The following RUVBL1 variants were observed in gnomAD, a reference collection of about 807,000 sequenced individuals.
RUVBL1 encodes ruvB-like 1.
RUVBL1 carries 4 observed loss-of-function variants against 52.4 expected under a neutral mutation model. The ratio of observed to expected loss-of-function variants is 0.08; its 90% CI spans 0.04 to 0.17. The LOEUF (loss-of-function observed/expected upper bound fraction) is 0.17. Among genes scored for constraint, RUVBL1 ranks in the 10% least tolerant of loss-of-function variants. RUVBL1 has a pLI of 1.00. For missense variants in RUVBL1, 298 were observed against 572.8 expected (o/e 0.52, Z 4.90); for synonymous variants, 217 against 214.4 (o/e 1.01, Z -0.10).
At position 128,080,854 on chromosome 3, in the gene RUVBL1, G is replaced by A. The variant is rs1272151827; in HGVS notation, c.*396C>T. ...TAATGCATCAGTATTGGTCATTCACGGTGACAAATGTGCTATCTGATGTAA... is the reference window on the plus strand; with the variant it reads ...TAATGCATCAGTATTGGTCATTCACAGTGACAAATGTGCTATCTGATGTAA... On this transcript the variant is annotated 3_prime_UTR_variant, in exon 11 of 11. Transcript: ENST00000322623. 4 of 176,436 alleles carry A rather than the reference G, an allele frequency of 2.3e-5. No homozygotes were observed. Among genetic ancestry groups the A allele is most frequent in the South Asian group, 1.4e-4 (1 of 7,232 alleles). 10.9% of individuals were successfully genotyped at this position (176,436 alleles called of 1,614,324 possible). A position where few individuals can be genotyped will look rare whatever the true frequency, so the allele number is the denominator to read the frequency against.
chr3:128,112,366 C>G (rs1053725866), intron 3 of RUVBL1, among the ~76,000 whole-genome samples: 1 of 152,220 alleles, frequency 6.6e-6, no homozygotes, highest in Non-Finnish European at 1.5e-5. Context: ...GGAGGGAAGG[C>G]CTGGCTCATC....
At chr3:128,145,749 C>T (rs1169901423) in intron 1 of RUVBL1, among the ~76,000 whole-genome samples, 1 of 152,168 alleles carries the variant, frequency 6.6e-6, no homozygotes, top group East Asian at 1.9e-4. Context: ...AATCTTAGTC[C>T]TACTGGTGCC....
At chr3:128,150,665 A>ATAT (rs1370609373) in intron 1 of RUVBL1, among the ~76,000 whole-genome samples, 55 of 131,100 alleles carry the variant, frequency 4.2e-4, no homozygotes, top group East Asian at 2.8e-3. Flanking sequence ...CATATTCTAT[A>ATAT]CATATATTCT....
chr3:128,133,211 G>A (rs1205623507), intron 1 of RUVBL1, among the ~76,000 whole-genome samples: 1 of 152,170 alleles, frequency 6.6e-6, no homozygotes, highest in African/African-American at 2.4e-5. Flanking sequence ...TTGGGCACCA[G>A]CTCGGCTACA....
downstream of RUVBL1, chr3:128,075,979 A>C (rs1385544765): frequency 1.3e-5 from 2 of 151,944 alleles, no homozygotes; most frequent in East Asian, 1.9e-4. Flanking sequence ...TCAGTCCCAC[A>C]CTCGCGCCCG....
chr3:128,099,506 G>A (rs781679769), intron 6 of RUVBL1, among the ~76,000 whole-genome samples: 12 of 152,240 alleles, frequency 7.9e-5, no homozygotes, highest in Non-Finnish European at 1.3e-4. Context: ...CACTAGATTT[G>A]ACCACAGGCT....
chr3:128,112,876 G>T lies in RUVBL1; in HGVS notation c.361+12C>A. 6.2e-7 allele frequency: 1 copy of T among 1,612,322 alleles called. No individual in the cohort carries two copies. The highest frequency in any genetic ancestry group is 1.1e-5 in the South Asian group (1 of 90,824). ...TGAGACCAACTCCTCCCACAAATGTGACACTACTTACCAATGGCCCTGCGG... is the reference window on the plus strand; with the variant it reads ...TGAGACCAACTCCTCCCACAAATGTTACACTACTTACCAATGGCCCTGCGG... On this transcript the variant is annotated intron_variant, in intron 3 of 10. Coordinates refer to ENST00000322623, the MANE Select transcript of RUVBL1 (RefSeq NM_003707.3).
intron 2 of RUVBL1, 29 bp downstream of exon 2, chr3:128,119,299 A>C: frequency 1.3e-6 from 2 of 1,571,236 alleles, no homozygotes; most frequent in Non-Finnish European, 1.8e-6. Flanking sequence ...TCTCCTGGGT[A>C]GATTTAAAAA....
At chr3:128,076,362 T>C (rs1030143261), downstream of RUVBL1, among the ~76,000 whole-genome samples, 1 of 151,892 alleles carries the variant, frequency 6.6e-6, no homozygotes, top group Non-Finnish European at 1.5e-5. The surrounding 1 kb of genome is among the most constrained non-coding windows in gnomAD (Gnocchi z 6.8). Context: ...CCACTTGCGA[T>C]GACAGCTAAA....
intron 9 of RUVBL1, chr3:128,066,670 C>T: frequency 2.3e-6 from 1 of 432,082 alleles, no homozygotes; most frequent in South Asian, 3.8e-5. Flanking sequence ...GCAATTCTCC[C>T]ACCTCGGCCT....
intron 6 of RUVBL1, among the ~76,000 whole-genome samples, chr3:128,099,844 C>A (rs1224955558): frequency 6.6e-6 from 1 of 152,158 alleles, no homozygotes; most frequent in Non-Finnish European, 1.5e-5. Context: ...ATTAACCAAG[C>A]TGGTCAGTGA....
rs528577771 is a variant in RUVBL1 at position 128,067,699 on chromosome 3, G to A, written c.940-2479C>T. On this transcript the variant is annotated intron_variant, in intron 9 of 9. Transcript: ENST00000464873. The surrounding 1 kb of genome is among the most constrained non-coding windows in gnomAD (Gnocchi z 4.1). ...ACTTGTCACCTCATCATAAATAATGGTCTGTGACGTGTGCAGATAGATCGT... is the reference window on the plus strand; with the variant it reads ...ACTTGTCACCTCATCATAAATAATGATCTGTGACGTGTGCAGATAGATCGT... The A allele has an allele frequency of 9.0e-7, 1 of 1,106,116 alleles. No individual in the cohort carries two copies. The highest frequency in any genetic ancestry group is 1.6e-5 in the African/African-American group (1 of 64,200). The allele number at this position is 1,106,116 out of a possible 1,614,324, so 68.5% of individuals were successfully genotyped here. A position where few individuals can be genotyped will look rare whatever the true frequency, so the allele number is the denominator to read the frequency against.
At chr3:128,139,939 A>G (rs1370867939) in intron 1 of RUVBL1, among the ~76,000 whole-genome samples, 1 of 152,206 alleles carries the variant, frequency 6.6e-6, no homozygotes, top group Non-Finnish European at 1.5e-5. Context: ...CTATAGTTAG[A>G]ATGAATAAAA....
intron 9 of RUVBL1, among the ~76,000 whole-genome samples, chr3:128,072,227 C>A (rs1169153526): frequency 2.0e-5 from 3 of 152,212 alleles, no homozygotes; most frequent in African/African-American, 7.2e-5. Context: ...CAGTGGTAGG[C>A]CACATTTCCA....
At chr3:128,093,964 C>T (rs1467007144) in intron 8 of RUVBL1, among the ~76,000 whole-genome samples, 3 of 152,172 alleles carry the variant, frequency 2.0e-5, no homozygotes, top group Non-Finnish European at 4.4e-5. Context: ...GGCTTCATGC[C>T]TTGCTGGGTT....
At chr3:128,074,337 A>G (rs1230880079) in intron 9 of RUVBL1, among the ~76,000 whole-genome samples, 4 of 151,752 alleles carry the variant, frequency 2.6e-5, no homozygotes, top group Non-Finnish European at 4.4e-5. Context: ...GTATGATGCC[A>G]TTTACATGAA....
chr3:128,066,021 C>T (rs1343624785), intron 9 of RUVBL1, among the ~76,000 whole-genome samples: 11 of 152,140 alleles, frequency 7.2e-5, no homozygotes, highest in Non-Finnish European at 1.5e-4. Flanking sequence ...GGATTACAGG[C>T]GTGAGCCACC....
At chr3:128,135,975 A>G (rs1943941914) in intron 1 of RUVBL1, among the ~76,000 whole-genome samples, 1 of 151,900 alleles carries the variant, frequency 6.6e-6, no homozygotes, top group Non-Finnish European at 1.5e-5. Context: ...ATGAAGTTAA[A>G]CTGTAGAATT....
chr3:128,098,480 A>G (rs1943034981), intron 7 of RUVBL1, among the ~76,000 whole-genome samples: 2 of 152,238 alleles, frequency 1.3e-5, no homozygotes, highest in South Asian at 4.1e-4. Context: ...GAGCAGCAGC[A>G]GTGTCCCCTG....
Sources: allele counts gnomAD v4.1 joint callset (sites outside exome capture counted in the v4.1 genomes callset), GRCh38; gene constraint gnomAD v4.1.1; non-coding constraint Gnocchi (gnomAD v3.1); transcripts MANE v1.5; gene names NCBI Gene and HGNC (gene_info 2026-07-23, HGNC 2026-07-21).